The following GRAMD4 variants were observed in gnomAD, a reference collection of about 807,000 sequenced individuals.
GRAMD4 encodes GRAM domain-containing protein 4.
A neutral mutation model predicts 83.9 loss-of-function variants in GRAMD4; 25 were observed. The observed-to-expected ratio is 0.30, with a 90% CI of 0.22 to 0.42. The LOEUF (loss-of-function observed/expected upper bound fraction) is 0.42. Among genes scored for constraint, GRAMD4 ranks in the 10% least tolerant of loss-of-function variants. The pLI is 1.00. For synonymous variants in GRAMD4, 336 were observed against 320.9 expected (o/e 1.05, Z -0.50); for missense variants, 593 against 788.7 (o/e 0.75, Z 2.97).
At chr22:46,644,897 C>CTTTTTTTTTTTTTTTT (rs35677843) in intron 3 of GRAMD4, among the ~76,000 whole-genome samples, 1 of 40,986 alleles carries the variant, frequency 2.4e-5, no homozygotes, top group Admixed American at 4.0e-4. Flanking sequence ...TGCACATGGC[C>CTTTTTTTTTTTTTTTT]TTTTTTTTTT....
intron 15 of GRAMD4, 60 bp downstream of exon 15, chr22:46,673,874 G>C (rs149575996): frequency 1.3e-5 from 20 of 1,579,066 alleles, no homozygotes; most frequent in Non-Finnish European, 1.5e-5. Context: ...AGGCCCGTGA[G>C]GGGGGCGCTG....
rs775630218 is a variant in GRAMD4 at position 46,668,197 on chromosome 22, G to A, written c.930+30G>A. ...TGCCACGGGCGCCGGCCAGGGGTGT[G>A]TCTGCGCCAGCCATGGGCACCAGCC... On this transcript the variant is annotated intron_variant, in intron 11 of 18. Transcript: ENST00000406902. 8 of 1,533,494 alleles carry A rather than the reference G, an allele frequency of 5.2e-6. No individual in the cohort carries two copies. The African/African-American group carries it at 8.2e-5, about 16-fold the overall frequency. The allele number at this position is 1,533,494 out of a possible 1,614,324, so 95.0% of individuals were successfully genotyped here.
At chr22:46,643,084 T>TACCCATCGATCCATCTATCC (rs1555967831) in intron 3 of GRAMD4, among the ~76,000 whole-genome samples, 4 of 76,412 alleles carry the variant, frequency 5.2e-5, no homozygotes, top group South Asian at 5.6e-4. Flanking sequence ...TCTATCCATT[T>TACCCATCGATCCATCTATCC]ATCCATCCAT....
chr22:46,637,709 T>A, intron 2 of GRAMD4, 131 bp from the exon 3 acceptor site: 6 of 855,512 alleles, frequency 7.0e-6, no homozygotes, highest in Non-Finnish European at 9.0e-6. Context: ...GTCCAGAAAC[T>A]GCAGCTGCTG....
At chr22:46,658,687 C>T (rs1414711985) in intron 4 of GRAMD4, among the ~76,000 whole-genome samples, 1 of 152,094 alleles carries the variant, frequency 6.6e-6, no homozygotes, top group Non-Finnish European at 1.5e-5. Flanking sequence ...GTACATCCAC[C>T]CAGTGCCCCA....
chr22:46,656,167 C>T (rs2082241823), intron 3 of GRAMD4, among the ~76,000 whole-genome samples: 2 of 151,626 alleles, frequency 1.3e-5, no homozygotes, highest in South Asian at 4.2e-4. Flanking sequence ...AAGGGCCGAT[C>T]CCAGCGGGCC....
chr22:46,665,615 G>T lies in GRAMD4; in HGVS notation c.718G>T (p.Val240Leu), dbSNP rs748881145. Residue 240 changes from valine to leucine, a missense_variant and splice_region_variant, in exon 9 of 19, where the codon GTG (valine) becomes TTG (leucine). Val to Leu is a conservative substitution (Grantham distance 32, BLOSUM62 1). This residue lies in a region of GRAMD4 where 312 missense variants were observed against 350.7 expected (regional missense o/e 0.89). Coordinates refer to ENST00000406902, the MANE Select transcript of GRAMD4 (RefSeq NM_015124.5). ...CTGACGCCCTGTCTCTCACCCGCAG[G>T]TGTACATGAATGCCGTGTGGCATGG... ...SVYTSAIAFT[V>L]YMNAVWHGWA... The T allele has an allele frequency of 5.2e-6, 8 of 1,551,942 alleles. No individual in the cohort carries two copies. The highest frequency in any genetic ancestry group is 7.1e-6 in the Non-Finnish European group (8 of 1,124,684).
intron 1 of GRAMD4, among the ~76,000 whole-genome samples, chr22:46,592,899 A>G (rs989668847): frequency 1.3e-5 from 2 of 152,228 alleles, no homozygotes; most frequent in African/African-American, 4.8e-5. Context: ...TTTATGAAGT[A>G]TTCCAGAATC....
upstream of GRAMD4, among the ~76,000 whole-genome samples, chr22:46,576,937 C>T (rs1461188163): frequency 3.4e-5 from 5 of 145,622 alleles, no homozygotes; most frequent in Middle Eastern, 3.5e-3. Context: ...ACCGAGCTGG[C>T]GCACGCGGAC....
chr22:46,624,687 A>G (rs2337060), intron 1 of GRAMD4, among the ~76,000 whole-genome samples: 44,822 of 151,818 alleles, frequency 0.3, 7,082 homozygotes, highest in Non-Finnish European at 0.36. Context: ...TCCCTCTGCA[A>G]TTTGTAGCTC....
At chr22:46,584,839 G>A (rs558279762) in intron 1 of GRAMD4, among the ~76,000 whole-genome samples, 1 of 152,370 alleles carries the variant, frequency 6.6e-6, no homozygotes, top group Admixed American at 6.5e-5. Context: ...ACGTGAAAGT[G>A]GGGCTGACTT....
rs2082417412 is a variant in GRAMD4, at chr22:46,666,887, G to A, written c.858+14G>A. The A allele has an allele frequency of 6.4e-7, 1 of 1,565,888 alleles. No homozygotes were observed. Among genetic ancestry groups the A allele is most frequent in the Non-Finnish European group, 8.7e-7 (1 of 1,152,250 alleles). Reference sequence around the variant, plus strand: ...TCTGAGCCCGTGGTAAGTCCCTGGAGGGTGCACGGTCTCCTCCGACTGTCT... The same window carrying A: ...TCTGAGCCCGTGGTAAGTCCCTGGAAGGTGCACGGTCTCCTCCGACTGTCT... On this transcript the variant is annotated intron_variant, in intron 10 of 18. Transcript: ENST00000406902.
At chr22:46,596,762 G>A (rs2081265755) in intron 1 of GRAMD4, among the ~76,000 whole-genome samples, 1 of 152,146 alleles carries the variant, frequency 6.6e-6, no homozygotes, top group Non-Finnish European at 1.5e-5. Context: ...TGTTAGCCAG[G>A]CTGGTCTTGA....
intron 1 of GRAMD4, among the ~76,000 whole-genome samples, chr22:46,603,513 C>CTTTTTT (rs1569254347): frequency 0.35 from 36,118 of 104,086 alleles, 9,777 homozygotes; most frequent in Non-Finnish European, 0.46. Context: ...CCGGCCTCTT[C>CTTTTTT]TCTTTTTTTT....
chr22:46,582,088 G>GTGGAGGCCA (rs1307753557), intron 1 of GRAMD4, among the ~76,000 whole-genome samples: 6 of 152,338 alleles, frequency 3.9e-5, no homozygotes, highest in African/African-American at 1.4e-4. Flanking sequence ...GGGGCTGGGT[G>GTGGAGGCCA]TGGAGGCCAT....
chr22:46,644,098 T>C (rs1235526694), intron 3 of GRAMD4, among the ~76,000 whole-genome samples: 1 of 152,244 alleles, frequency 6.6e-6, no homozygotes, highest in Non-Finnish European at 1.5e-5. Context: ...GTTAAGGTGC[T>C]CACACTTTCT....
At chr22:46,611,832 T>C (rs1408694000) in intron 1 of GRAMD4, among the ~76,000 whole-genome samples, 1 of 130,478 alleles carries the variant, frequency 7.7e-6, no homozygotes, top group African/African-American at 2.7e-5. Flanking sequence ...TTACTAAAAA[T>C]ACAAAAAAAA....
At position 46,668,150 on chromosome 22, in the gene GRAMD4, G is replaced by A. The variant is rs766014132; in HGVS notation, c.913G>A (p.Val305Ile). The A allele has an allele frequency of 1.5e-5, 24 of 1,611,444 alleles. No homozygotes were observed. Among genetic ancestry groups the A allele is most frequent in the South Asian group, 1.1e-5 (1 of 91,052 alleles). ...TGAGAAGTTCCAGCTGGTGCTGGAC[G>A]TCGCCCAGAAAGCCCAGGTACTGCC... Reference protein sequence around the residue: ...VSEKFQLVLDVAQKAQNLFGK... With the variant: ...VSEKFQLVLDIAQKAQNLFGK... The change falls in exon 11 of 19, where the codon GTC (valine) becomes ATC (isoleucine). Residue 305 changes from valine to isoleucine, a missense_variant. Physicochemically the swap from Val to Ile is conservative, Grantham distance 29 (BLOSUM62 3). This residue lies in a region of GRAMD4 where 36 missense variants were observed against 85.8 expected (regional missense o/e 0.42). Transcript: ENST00000406902.
chr22:46,661,133 G>A (rs1318813575), intron 4 of GRAMD4, among the ~76,000 whole-genome samples: 1 of 152,238 alleles, frequency 6.6e-6, no homozygotes, highest in Non-Finnish European at 1.5e-5. Flanking sequence ...AAAATGAATA[G>A]GAAAGGAAAG....
Sources: allele counts gnomAD v4.1 joint callset (sites outside exome capture counted in the v4.1 genomes callset), GRCh38; gene constraint gnomAD v4.1.1; regional missense constraint gnomAD v4.1.1; transcripts MANE v1.5; gene names NCBI Gene and HGNC (gene_info 2026-07-23, HGNC 2026-07-21).